CCDC63: variants seen among roughly 807,000 people sequenced by gnomAD.
CCDC63 encodes coiled-coil domain-containing protein 63.
In CCDC63, 54 loss-of-function variants were observed where a neutral mutation model predicts 63.6. The ratio of observed to expected loss-of-function variants is 0.85; its 90% CI spans 0.68 to 1.07. The LOEUF is 1.07. CCDC63 is among the 50% of genes least tolerant of loss of function. The probability of loss-of-function intolerance (pLI) is 0.00; values close to 1 mark genes in which losing one functional copy is unlikely to be tolerated. For synonymous variants in CCDC63, 253 were observed against 266.1 expected (o/e 0.95, Z 0.48); for missense variants, 637 against 689.6 (o/e 0.92, Z 0.86).
intron 9 of CCDC63, among the ~76,000 whole-genome samples, chr12:110,898,150 C>T (rs920229701): frequency 6.6e-6 from 1 of 151,812 alleles, no homozygotes; most frequent in Admixed American, 6.6e-5. Context: ...GGCATGGTGG[C>T]GTCTGCCTGT....
At chr12:110,886,561 A>G (rs2071282433) in intron 8 of CCDC63, among the ~76,000 whole-genome samples, 1 of 152,182 alleles carries the variant, frequency 6.6e-6, no homozygotes. Context: ...AGGAATGAGG[A>G]TATGGCTGCC....
At chr12:110,853,637 G>C in intron 3 of CCDC63, 63 bp downstream of exon 3, 2 of 1,590,246 alleles carry the variant, frequency 1.3e-6, no homozygotes, top group Non-Finnish European at 8.6e-7. Flanking sequence ...TGGGCTTCAT[G>C]TTGCTTGTCT....
At chr12:110,868,766 GGAGGGAGAGGGA>G (rs751710724) in intron 4 of CCDC63, among the ~76,000 whole-genome samples, 15 of 73,682 alleles carry the variant, frequency 2.0e-4, no homozygotes, top group East Asian at 3.6e-4. Flanking sequence ...AGGGGGAGGG[GGAGGGAGAGGGA>G]GAGGGAGAGG....
At chr12:110,867,771 C>A in intron 4 of CCDC63, among the ~76,000 whole-genome samples, 1 of 145,702 alleles carries the variant, frequency 6.9e-6, no homozygotes, top group African/African-American at 2.6e-5. Flanking sequence ...CCATCTCCCT[C>A]CCGGACGGGG....
At chr12:110,849,498 CTTTTT>C (rs56059098) in intron 1 of CCDC63, among the ~76,000 whole-genome samples, 1 of 126,290 alleles carries the variant, frequency 7.9e-6, no homozygotes, top group Admixed American at 8.8e-5. Context: ...CTCTTATTTC[CTTTTT>C]TTTTTTTTTT....
intron 4 of CCDC63, among the ~76,000 whole-genome samples, chr12:110,872,639 G>T (rs753234550): frequency 6.6e-6 from 1 of 152,084 alleles, no homozygotes; most frequent in Non-Finnish European, 1.5e-5. Flanking sequence ...TTGTTTGTTT[G>T]TTTTTTTAAG....
chr12:110,891,078 C>G (rs1033525375), intron 8 of CCDC63, among the ~76,000 whole-genome samples: 7 of 152,132 alleles, frequency 4.6e-5, no homozygotes, highest in Non-Finnish European at 8.8e-5. Flanking sequence ...CATGCCCAGC[C>G]TGCTGTGTTT....
Position 110,898,954 on chromosome 12 carries a change from G to A in CCDC63, c.1171G>A (p.Glu391Lys). 6.2e-7 allele frequency: 1 copy of A among 1,608,506 alleles called. No homozygotes were observed. The highest frequency in any genetic ancestry group is 8.5e-7 in the Non-Finnish European group (1 of 1,177,248). The change falls in exon 10 of 12, where the codon GAG becomes AAG. Residue 391 changes from glutamate (E) to lysine (K), a missense_variant. Coordinates refer to ENST00000308208, the MANE Select transcript of CCDC63 (RefSeq NM_152591.3). ...CCAGGATAAACTGAGGAAGACCACG[G>A]AGGAGGCAGATATGTATGAGAGCAA... is the stretch of plus-strand genomic sequence containing the variant. ...QLEDKLRKTT[E>K]EADMYESKYG...
chr12:110,851,843 T>G (rs1434278977), intron 1 of CCDC63, among the ~76,000 whole-genome samples: 1 of 152,130 alleles, frequency 6.6e-6, no homozygotes, highest in African/African-American at 2.4e-5. Context: ...TTCTAGAATT[T>G]CTCCCATTTT....
chr12:110,894,725 ACT>A (rs1327662018), intron 9 of CCDC63, among the ~76,000 whole-genome samples: 3 of 151,926 alleles, frequency 2.0e-5, no homozygotes, highest in Non-Finnish European at 4.4e-5. Flanking sequence ...CAGAATCCAG[ACT>A]CTTGTTGAGG....
At chr12:110,847,356 G>A (rs1015882792) in intron 1 of CCDC63, among the ~76,000 whole-genome samples, 1 of 152,112 alleles carries the variant, frequency 6.6e-6, no homozygotes, top group Non-Finnish European at 1.5e-5. Context: ...TTGAGCCCAG[G>A]GGTTCGAGAC....
chr12:110,849,046 C>T (rs1050556404), intron 1 of CCDC63, among the ~76,000 whole-genome samples: 22 of 152,192 alleles, frequency 1.4e-4, no homozygotes, highest in African/African-American at 5.1e-4. Flanking sequence ...ATACCACTTC[C>T]CTGCCTGTGG....
intron 11 of CCDC63, 30 bp downstream of exon 11, chr12:110,904,821 G>A: frequency 1.9e-6 from 3 of 1,553,144 alleles, no homozygotes; most frequent in Non-Finnish European, 2.6e-6. Flanking sequence ...ATCTGCACAG[G>A]TTGCTAGGGA....
At chr12:110,875,748 G>A (rs1224544144) in intron 5 of CCDC63, among the ~76,000 whole-genome samples, 1 of 151,952 alleles carries the variant, frequency 6.6e-6, no homozygotes, top group Non-Finnish European at 1.5e-5. Flanking sequence ...ATCTCAAACT[G>A]GTCCCCTCTT....
At chr12:110,887,043 G>C (rs189116443) in intron 8 of CCDC63, among the ~76,000 whole-genome samples, 22 of 152,252 alleles carry the variant, frequency 1.4e-4, no homozygotes, top group African/African-American at 4.1e-4. Context: ...TGGACTAGAG[G>C]AGTCCTCCAA....
chr12:110,887,137 T>C (rs1341816707), intron 8 of CCDC63, among the ~76,000 whole-genome samples: 1 of 152,070 alleles, frequency 6.6e-6, no homozygotes. Context: ...TTTCTTTTTT[T>C]CTTTTTTTGA....
chr12:110,891,749 T>C (rs548995440), intron 8 of CCDC63, among the ~76,000 whole-genome samples: 8 of 152,164 alleles, frequency 5.3e-5, no homozygotes, highest in African/African-American at 1.7e-4. Context: ...TTTAGCCATA[T>C]TTTAACCCAA....
At position 110,853,557 on chromosome 12, in the gene CCDC63, G is replaced by C; in HGVS notation, c.162G>C (p.Gln54His). 6.2e-7 allele frequency: 1 copy of C among 1,614,214 alleles called. No homozygotes were observed. The highest frequency in any genetic ancestry group is 1.1e-5 in the South Asian group (1 of 91,088). ...SRKSFKFRNQ[Q>H]KIASQYKEIK... ...AGTCTTTTAAGTTCCGAAACCAGCA[G>C]AAGATTGCGAGTCAGTAGTAAGTGA... is the stretch of plus-strand genomic sequence containing the variant. Residue 54 changes from glutamine to histidine, a missense_variant, in exon 3 of 12, where the codon CAG becomes CAC. By Grantham distance (24) the Gln-to-His change is conservative. Coordinates refer to ENST00000308208, the MANE Select transcript of CCDC63 (RefSeq NM_152591.3).
At chr12:110,859,414 C>A (rs1453318195) in intron 4 of CCDC63, among the ~76,000 whole-genome samples, 1 of 151,834 alleles carries the variant, frequency 6.6e-6, no homozygotes, top group Non-Finnish European at 1.5e-5. Context: ...TCAAGTGATT[C>A]TCATGCCTCA....
Sources: gnomAD v4.1 joint callset for allele counts (sites outside exome capture counted in the v4.1 genomes callset) on GRCh38, gnomAD v4.1.1 for gene constraint, MANE v1.5 for transcripts, NCBI Gene and HGNC (gene_info 2026-07-23, HGNC 2026-07-21) for gene names.